The following PPARGC1A variants were observed in gnomAD, a reference collection of about 807,000 sequenced individuals.
PPARGC1A encodes PPARG coactivator 1 alpha.
Under a neutral mutation model 88.7 loss-of-function variants are expected in PPARGC1A, and 25 were observed. The ratio of observed to expected loss-of-function variants is 0.28; its 90% CI spans 0.21 to 0.39. The LOEUF (loss-of-function observed/expected upper bound fraction) is 0.39, where lower values mean the gene tolerates loss of function less well. Among genes scored for constraint, PPARGC1A ranks in the 10% least tolerant of loss-of-function variants. The probability of loss-of-function intolerance (pLI) is 1.00; values close to 1 mark genes in which losing one functional copy is unlikely to be tolerated. For missense variants in PPARGC1A, 880 were observed against 968.7 expected (o/e 0.91, Z 1.22); for synonymous variants, 363 against 355.6 (o/e 1.02, Z -0.24).
At chr4:23,924,177 T>C in the PPARGC1A span, among the ~76,000 whole-genome samples, 5 of 152,198 alleles carry the variant, frequency 3.3e-5, no homozygotes, top group African/African-American at 1.2e-4. Context: ...GAAAATCAAC[T>C]AGGACTCCAA....
At chr4:24,338,662 C>T in the PPARGC1A span, among the ~76,000 whole-genome samples, 1 of 152,132 alleles carries the variant, frequency 6.6e-6, no homozygotes, top group Non-Finnish European at 1.5e-5. Flanking sequence ...ACTATGCATT[C>T]TCCATTAAAA....
the PPARGC1A span, among the ~76,000 whole-genome samples, chr4:24,155,117 G>GTTT: frequency 2.3e-3 from 334 of 143,480 alleles, 1 homozygote; most frequent in African/African-American, 9.0e-3. Context: ...TCGAACCTCG[G>GTTT]TTTTGTTTTT....
the PPARGC1A span, among the ~76,000 whole-genome samples, chr4:24,085,502 A>G: frequency 6.6e-6 from 1 of 152,178 alleles, no homozygotes; most frequent in Non-Finnish European, 1.5e-5. Flanking sequence ...TAGATTGACC[A>G]TTTCAGGTAC....
At chr4:24,248,327 G>A in the PPARGC1A span, among the ~76,000 whole-genome samples, 1 of 151,868 alleles carries the variant, frequency 6.6e-6, no homozygotes, top group East Asian at 1.9e-4. Flanking sequence ...GAGTTTCACC[G>A]TGTTAGCCAG....
chr4:23,797,388 G>A (rs1344739947), intron 12 of PPARGC1A, among the ~76,000 whole-genome samples: 1 of 152,004 alleles, frequency 6.6e-6, no homozygotes, highest in Non-Finnish European at 1.5e-5. Context: ...CATTGCTAGA[G>A]ATTAGTCTGA....
the PPARGC1A span, among the ~76,000 whole-genome samples, chr4:24,451,210 A>G: frequency 4.6e-5 from 7 of 152,298 alleles, no homozygotes; most frequent in African/African-American, 1.7e-4. Flanking sequence ...TATTGTTTCT[A>G]TATTTGTACT....
chr4:24,100,536 T>C, the PPARGC1A span, among the ~76,000 whole-genome samples: 2 of 152,172 alleles, frequency 1.3e-5, no homozygotes, highest in Non-Finnish European at 2.9e-5. Flanking sequence ...AAACAGCTGA[T>C]GACAAGTGCA....
At chr4:23,846,860 G>A (rs539829729) in intron 2 of PPARGC1A, among the ~76,000 whole-genome samples, 2 of 152,248 alleles carry the variant, frequency 1.3e-5, no homozygotes, top group East Asian at 1.9e-4. Context: ...TTTATGTAAA[G>A]CCAAAATAGA....
chr4:24,223,931 A>G, the PPARGC1A span, among the ~76,000 whole-genome samples: 1 of 152,202 alleles, frequency 6.6e-6, no homozygotes, highest in East Asian at 1.9e-4. Context: ...CTTTTTTAAG[A>G]AAGAAAGAAA....
the PPARGC1A span, among the ~76,000 whole-genome samples, chr4:24,121,210 C>T: frequency 2.0e-5 from 3 of 152,210 alleles, no homozygotes; most frequent in Non-Finnish European, 2.9e-5. Context: ...CAGTGGCCAG[C>T]CCCTTCAGAG....
At chr4:24,309,824 A>C in the PPARGC1A span, among the ~76,000 whole-genome samples, 1 of 152,226 alleles carries the variant, frequency 6.6e-6, no homozygotes, top group Non-Finnish European at 1.5e-5. Context: ...GGATAAACGC[A>C]AGGAAGACCA....
intron 10 of PPARGC1A, among the ~76,000 whole-genome samples, chr4:23,808,085 A>T (rs920192854): frequency 6.6e-6 from 1 of 152,028 alleles, no homozygotes; most frequent in Admixed American, 6.5e-5. Context: ...CCCCGTCTCT[A>T]CTAAAAATAC....
the PPARGC1A span, among the ~76,000 whole-genome samples, chr4:24,017,130 C>T: frequency 6.6e-6 from 1 of 152,074 alleles, no homozygotes; most frequent in Admixed American, 6.6e-5. Flanking sequence ...CCCTTTATCG[C>T]CATGTGAAAG....
chr4:23,855,507 T>C (rs2148683160), intron 2 of PPARGC1A, among the ~76,000 whole-genome samples: 1 of 152,358 alleles, frequency 6.6e-6, no homozygotes, highest in Non-Finnish European at 1.5e-5. Context: ...TCGATGCTTC[T>C]AAAAATGCCT....
At chr4:24,315,429 C>T in the PPARGC1A span, among the ~76,000 whole-genome samples, 2 of 152,132 alleles carry the variant, frequency 1.3e-5, no homozygotes, top group South Asian at 2.1e-4. Context: ...TTATGCATAG[C>T]GTTAGGTGCC....
chr4:24,421,076 G>A, the PPARGC1A span, among the ~76,000 whole-genome samples: 7 of 151,990 alleles, frequency 4.6e-5, no homozygotes, highest in African/African-American at 1.4e-4. Context: ...CTATTGCATT[G>A]GGGATTTAGG....
chr4:24,078,583 G>A, the PPARGC1A span, among the ~76,000 whole-genome samples: 2 of 152,006 alleles, frequency 1.3e-5, no homozygotes, highest in Non-Finnish European at 2.9e-5. Flanking sequence ...GTCATTCTGT[G>A]TATCTATTCA....
the PPARGC1A span, among the ~76,000 whole-genome samples, chr4:24,051,109 A>G: frequency 5.8e-3 from 788 of 136,060 alleles, 30 homozygotes; most frequent in East Asian, 0.11. Context: ...AATGGCATGA[A>G]CCCAGGAGGC....
chr4:24,180,011 T>A, the PPARGC1A span, among the ~76,000 whole-genome samples: 1 of 152,202 alleles, frequency 6.6e-6, no homozygotes, highest in Non-Finnish European at 1.5e-5. Context: ...CTCTAGGATG[T>A]ACCATTGTCA....
Sources: gnomAD v4.1 joint callset for allele counts (sites outside exome capture counted in the v4.1 genomes callset) on GRCh38, gnomAD v4.1.1 for gene constraint, MANE v1.5 for transcripts, NCBI Gene and HGNC (gene_info 2026-07-23, HGNC 2026-07-21) for gene names.